EML1: variants seen among roughly 807,000 people sequenced by gnomAD.
EML1 encodes EMAP like 1.
In EML1, 27 loss-of-function variants were observed where a neutral mutation model predicts 110.4. The ratio of observed to expected loss-of-function variants is 0.24; its 90% CI spans 0.18 to 0.34. EML1 has a LOEUF of 0.34. Among genes scored for constraint, EML1 ranks in the 10% least tolerant of loss-of-function variants. The probability of loss-of-function intolerance (pLI) is 1.00; values close to 1 mark genes in which losing one functional copy is unlikely to be tolerated. For synonymous variants in EML1, 344 were observed against 385.8 expected (o/e 0.89, Z 1.27); for missense variants, 741 against 1,030.9 (o/e 0.72, Z 3.85).
In EML1 at chr14:99,751,951, G is replaced by A. The variant is rs76167016; in HGVS notation, c.28+14091G>A. 5.4e-3 allele frequency among the ~76,000 whole-genome samples: 824 copies of A among 152,244 alleles called. 15 individuals are homozygous for A. Among genetic ancestry groups the A allele is most frequent in the Admixed American group, 0.034 (522 of 15,286 alleles). On this transcript the variant is annotated intron_variant, in intron 1 of 10. Coordinates refer to the EML1 transcript ENST00000554479. ...GACCTCACATCCGTTTTACGGGCACGTGGCAGCAGGAGGGAATGTTCATTC... is the reference window on the plus strand; with the variant it reads ...GACCTCACATCCGTTTTACGGGCACATGGCAGCAGGAGGGAATGTTCATTC...
intron 17 of EML1, among the ~76,000 whole-genome samples, chr14:99,927,420 C>A (rs2060254834): frequency 6.6e-6 from 1 of 152,142 alleles, no homozygotes; most frequent in Admixed American, 6.5e-5. Flanking sequence ...GATATCGAGG[C>A]TTGGTCATAT....
At chr14:99,865,349 T>C (rs1242887497) in intron 2 of EML1, among the ~76,000 whole-genome samples, 165 bp from the exon 3 acceptor site, 1 of 152,230 alleles carries the variant, frequency 6.6e-6, no homozygotes, top group Middle Eastern at 3.2e-3. Context: ...ACATGAGTGA[T>C]GGGTAGCAAC....
intron 2 of EML1, among the ~76,000 whole-genome samples, chr14:99,858,825 T>A (rs971659366): frequency 2.0e-5 from 3 of 152,214 alleles, no homozygotes; most frequent in African/African-American, 4.8e-5. Context: ...AATTTTGAAA[T>A]GGATAATTAG....
intron 16 of EML1, among the ~76,000 whole-genome samples, chr14:99,918,815 T>TA (rs1373669521): frequency 6.6e-6 from 1 of 151,956 alleles, no homozygotes; most frequent in Non-Finnish European, 1.5e-5. Context: ...ACCCCATCTC[T>TA]AAAAAAAATT....
At chr14:99,777,895 T>TC (rs1289968826) in intron 1 of EML1, among the ~76,000 whole-genome samples, 2 of 152,140 alleles carry the variant, frequency 1.3e-5, no homozygotes, top group African/African-American at 2.4e-5. Context: ...AGTGATCCTC[T>TC]CCCTTCAGCC....
At chr14:99,842,287 C>T (rs1348006445) in intron 1 of EML1, among the ~76,000 whole-genome samples, 2 of 152,138 alleles carry the variant, frequency 1.3e-5, no homozygotes, top group African/African-American at 4.8e-5. Flanking sequence ...AGGCTTTGTT[C>T]TTCATTATGC....
At chr14:99,897,058 GTATTT>G in intron 6 of EML1, 82 bp from the exon 7 acceptor site, 1 of 1,210,834 alleles carries the variant, frequency 8.3e-7, no homozygotes, top group Non-Finnish European at 1.1e-6. Flanking sequence ...TAGTTATATG[GTATTT>G]TATTGCCTGT....
chr14:99,772,065 T>C (rs2057433319), upstream of EML1, among the ~76,000 whole-genome samples: 1 of 152,236 alleles, frequency 6.6e-6, no homozygotes, highest in African/African-American at 2.4e-5. Context: ...TTTTTCTGGC[T>C]CTTTGTGAGT....
At chr14:99,868,000 C>G (rs2059130626) in intron 3 of EML1, among the ~76,000 whole-genome samples, 1 of 152,018 alleles carries the variant, frequency 6.6e-6, no homozygotes, top group Non-Finnish European at 1.5e-5. Context: ...CCTTCTATTC[C>G]TAGTTTGTTG....
At chr14:99,919,449 C>CACACACACACAA (rs2060093751) in intron 16 of EML1, among the ~76,000 whole-genome samples, 1 of 148,118 alleles carries the variant, frequency 6.8e-6, no homozygotes, top group East Asian at 2.1e-4. Flanking sequence ...CACACACACA[C>CACACACACACAA]ACACACACAC....
At chr14:99,894,381 T>C (rs1370493092) in intron 5 of EML1, 1 of 267,232 alleles carries the variant, frequency 3.7e-6, no homozygotes, top group Non-Finnish European at 6.8e-6. Context: ...ATCAAGTTCC[T>C]TCCTGCCTTT....
At chr14:99,804,289 C>T (rs887351394) in intron 1 of EML1, among the ~76,000 whole-genome samples, 2 of 152,206 alleles carry the variant, frequency 1.3e-5, no homozygotes, top group African/African-American at 2.4e-5. Flanking sequence ...GTCCATGTCT[C>T]ATTCATGCGT....
intron 1 of EML1, among the ~76,000 whole-genome samples, chr14:99,841,472 T>C (rs1327984738): frequency 2.0e-5 from 3 of 152,184 alleles, no homozygotes; most frequent in Non-Finnish European, 4.4e-5. Flanking sequence ...ACATAGCTAA[T>C]AGGGGACAGA....
chr14:99,853,576 A>G (rs370690615), intron 2 of EML1, among the ~76,000 whole-genome samples: 1 of 152,114 alleles, frequency 6.6e-6, no homozygotes, highest in Middle Eastern at 3.4e-3. Flanking sequence ...TTTTAGGCAA[A>G]TCTCCTTTGG....
At chr14:99,845,087 T>C (rs2058687006) in intron 1 of EML1, among the ~76,000 whole-genome samples, 1 of 152,236 alleles carries the variant, frequency 6.6e-6, no homozygotes, top group African/African-American at 2.4e-5. Context: ...AATGGTAAAC[T>C]GTTTTCCAGG....
chr14:99,839,929 A>C (rs2058606384), intron 1 of EML1, among the ~76,000 whole-genome samples: 4 of 152,252 alleles, frequency 2.6e-5, no homozygotes. Flanking sequence ...GCTGGAGCCC[A>C]GCCAGGAGTG....
chr14:99,772,542 C>G (rs4300578), upstream of EML1, among the ~76,000 whole-genome samples: 24,297 of 152,158 alleles, frequency 0.16, 2,290 homozygotes, highest in East Asian at 0.37. Flanking sequence ...ATTCCTCTCC[C>G]TAGGTTTGGA....
At chr14:99,763,158 C>T (rs1179627346) in intron 1 of EML1, among the ~76,000 whole-genome samples, 2 of 152,176 alleles carry the variant, frequency 1.3e-5, no homozygotes, top group African/African-American at 2.4e-5. Context: ...GTGACTTGCT[C>T]CTCCTTGCCT....
intron 1 of EML1, among the ~76,000 whole-genome samples, chr14:99,755,695 T>C (rs2140179778): frequency 6.6e-6 from 1 of 152,286 alleles, no homozygotes; most frequent in South Asian, 2.1e-4. Context: ...GATCCCCAAG[T>C]CTGCAGAACC....
Sources: allele counts gnomAD v4.1 joint callset (sites outside exome capture counted in the v4.1 genomes callset), GRCh38; gene constraint gnomAD v4.1.1; transcripts MANE v1.5; gene names NCBI Gene and HGNC (gene_info 2026-07-23, HGNC 2026-07-21).